The following QSOX1 variants were observed in gnomAD, a reference collection of about 807,000 sequenced individuals.
The protein encoded by QSOX1 is sulfhydryl oxidase 1.
Under a neutral mutation model 76.1 loss-of-function variants are expected in QSOX1, and 40 were observed. That is an observed-to-expected ratio of 0.53 (90% CI 0.41 to 0.68). QSOX1 has a LOEUF of 0.68. QSOX1 is among the 30% of genes least tolerant of loss of function. The pLI is 0.00. For synonymous variants in QSOX1, 392 were observed against 413.1 expected, an observed-to-expected ratio of 0.95 and a Z score of 0.62; for missense variants, 931 against 974.3, an observed-to-expected ratio of 0.96 and a Z score of 0.59.
At chr1:180,179,332 C>T (rs910687381) in intron 5 of QSOX1, among the ~76,000 whole-genome samples, 3 of 152,192 alleles carry the variant, frequency 2.0e-5, no homozygotes, top group African/African-American at 2.4e-5. Flanking sequence ...GGAACATTAG[C>T]GACGCCCTAG....
chr1:180,193,984 G>T (rs1251491724), intron 10 of QSOX1, among the ~76,000 whole-genome samples: 2 of 152,124 alleles, frequency 1.3e-5, no homozygotes, highest in Non-Finnish European at 2.9e-5. Context: ...CAGGGAAGGG[G>T]ATCCAGGTTT....
chr1:180,175,870 G>A (rs1354393378), intron 3 of QSOX1, 61 bp from the exon 4 acceptor site: 11 of 1,335,800 alleles, frequency 8.2e-6, no homozygotes, highest in Non-Finnish European at 1.2e-5. Flanking sequence ...AAGGTGGCCA[G>A]TGTGCTGTGG....
At position 180,199,102 on chromosome 1, in the gene QSOX1, C is replaced by T. The variant is rs1220561047; in HGVS notation, c.*2065C>T. Reference sequence around the variant, plus strand: ...ACGGAGTGGTGTGGACCTCCCACCTCACAGCTGCCTCTGGCAGCCAAGCCT... The same window carrying T: ...ACGGAGTGGTGTGGACCTCCCACCTTACAGCTGCCTCTGGCAGCCAAGCCT... On this transcript the variant is annotated 3_prime_UTR_variant, in exon 12 of 12. Coordinates refer to ENST00000367602, the MANE Select transcript of QSOX1 (RefSeq NM_002826.5). 1 of 152,362 alleles carries T rather than the reference C, an allele frequency of 6.6e-6. No homozygotes were observed. Among genetic ancestry groups the T allele is most frequent in the Non-Finnish European group, 1.5e-5 (1 of 68,140 alleles). 9.4% of individuals were successfully genotyped at this position (152,362 alleles called of 1,614,324 possible).
chr1:180,180,545 C>T (rs994158187), intron 5 of QSOX1, among the ~76,000 whole-genome samples: 6 of 151,442 alleles, frequency 4.0e-5, no homozygotes, highest in South Asian at 4.2e-4. Flanking sequence ...GATGGAGTCT[C>T]GCTCTGTCGC....
intron 5 of QSOX1, among the ~76,000 whole-genome samples, chr1:180,179,564 C>T (rs567363539): frequency 1.3e-5 from 2 of 152,386 alleles, no homozygotes; most frequent in South Asian, 4.1e-4. Flanking sequence ...GATCCATTCC[C>T]CTCGCCTAAT....
chr1:180,183,470 T>G (rs1021726025), intron 6 of QSOX1, among the ~76,000 whole-genome samples: 1 of 152,214 alleles, frequency 6.6e-6, no homozygotes, highest in Non-Finnish European at 1.5e-5. Context: ...CTCCCTGGAC[T>G]TCTTAGGGGG....
intron 10 of QSOX1, among the ~76,000 whole-genome samples, chr1:180,191,673 A>G (rs1485901652): frequency 6.6e-6 from 1 of 152,234 alleles, no homozygotes; most frequent in East Asian, 1.9e-4. Flanking sequence ...GACAAAGCAA[A>G]GCAGTGCCGG....
intron 11 of QSOX1, among the ~76,000 whole-genome samples, chr1:180,195,099 G>A (rs1357088091): frequency 3.3e-5 from 5 of 152,022 alleles, no homozygotes; most frequent in African/African-American, 9.7e-5. Flanking sequence ...GCCTCCTATC[G>A]AACTTTGAAA....
intron 1 of QSOX1, 36 bp from the exon 2 acceptor site, chr1:180,166,455 C>A: frequency 1.3e-6 from 2 of 1,555,456 alleles, no homozygotes; most frequent in Non-Finnish European, 1.8e-6. Context: ...GGGTACCAGC[C>A]CCTCTTATTT....
intron 11 of QSOX1, among the ~76,000 whole-genome samples, chr1:180,194,645 T>C (rs1663415576): frequency 6.6e-6 from 1 of 152,218 alleles, no homozygotes; most frequent in Admixed American, 6.5e-5. Context: ...CTCTCTAGCC[T>C]ACTGGGGTCC....
rs931278287 is a variant in QSOX1, at chr1:180,194,005, G to C, written c.1289-208G>C. ...AGGGGATCCAGGTTTAGGAGTTTTG[G>C]GGGGATGGGGTCTCCTGTAAAGTGA... On this transcript the variant is annotated intron_variant, in intron 10 of 11. Transcript: ENST00000367602. Among the ~76,000 whole-genome samples, 3 of 152,102 alleles carry C rather than the reference G, an allele frequency of 2.0e-5. No individual in the cohort carries two copies. In the East Asian group the frequency reaches 5.8e-4, roughly 29 times the overall value.
At chr1:180,184,150 C>A in intron 7 of QSOX1, 100 bp downstream of exon 7, 1 of 1,441,694 alleles carries the variant, frequency 6.9e-7, no homozygotes, top group Non-Finnish European at 9.6e-7. Context: ...TCTTCCTTGT[C>A]ATATGATTAG....
chr1:180,195,936 G>C (rs1263461367), intron 11 of QSOX1, among the ~76,000 whole-genome samples: 1 of 152,186 alleles, frequency 6.6e-6, no homozygotes, highest in Admixed American at 6.5e-5. Flanking sequence ...GGTAAAGGCT[G>C]GTTGTAAAGT....
At chr1:180,183,891 C>T (rs1458155877) in intron 6 of QSOX1, 25 bp from the exon 7 acceptor site, 1 of 1,603,486 alleles carries the variant, frequency 6.2e-7, no homozygotes, top group Non-Finnish European at 8.5e-7. Context: ...TACTGCCTCT[C>T]CTCCCTGGTT....
chr1:180,188,756 T>G (rs3767167), intron 8 of QSOX1, among the ~76,000 whole-genome samples: 136,455 of 152,274 alleles, frequency 0.9, 61,576 homozygotes, highest in Non-Finnish European at 0.95. Context: ...TTTGCTGTGA[T>G]TTTCTCAGGG....
chr1:180,168,748 A>G (rs1459887613), intron 2 of QSOX1, among the ~76,000 whole-genome samples: 1 of 152,164 alleles, frequency 6.6e-6, no homozygotes, highest in Middle Eastern at 3.2e-3. Context: ...GTGTTTGGAA[A>G]ACACTACTCA....
At chr1:180,159,247 G>A (rs1345823542) in intron 1 of QSOX1, among the ~76,000 whole-genome samples, 2 of 152,194 alleles carry the variant, frequency 1.3e-5, no homozygotes, top group Non-Finnish European at 2.9e-5. Flanking sequence ...ACCAGGAAAG[G>A]GTTTTCTCCC....
intron 4 of QSOX1, 138 bp from the exon 5 acceptor site, chr1:180,178,656 T>C: frequency 1.4e-6 from 1 of 724,710 alleles, no homozygotes; most frequent in South Asian, 1.6e-5. Flanking sequence ...TTGACTCCCT[T>C]GGAGGGCCCT....
intron 11 of QSOX1, among the ~76,000 whole-genome samples, chr1:180,195,000 G>GT (rs942417257): frequency 7.3e-5 from 11 of 151,318 alleles, no homozygotes; most frequent in East Asian, 6.1e-4. Context: ...GCCTCCCGGG[G>GT]GGGGGAGACC....
Sources: gnomAD v4.1 joint callset for allele counts (sites outside exome capture counted in the v4.1 genomes callset) on GRCh38, gnomAD v4.1.1 for gene constraint, MANE v1.5 for transcripts, NCBI Gene and HGNC (gene_info 2026-07-23, HGNC 2026-07-21) for gene names.